Variants in ENTREP2 observed in about 807,000 individuals in gnomAD.
ENTREP2 encodes the protein protein ENTREP2.
the ENTREP2 span, among the ~76,000 whole-genome samples, chr15:29,577,173 T>G: frequency 6.6e-6 from 1 of 151,666 alleles, no homozygotes; most frequent in Non-Finnish European, 1.5e-5. Context: ...TATGGAGAAA[T>G]TAGAACCCTT....
the ENTREP2 span, among the ~76,000 whole-genome samples, chr15:29,185,900 CCTCT>C: frequency 6.6e-6 from 1 of 152,040 alleles, no homozygotes; most frequent in African/African-American, 2.4e-5. Context: ...ATTGCCTTCT[CCTCT>C]CTCTCATTCT....
At chr15:29,130,241 T>C in the ENTREP2 span, among the ~76,000 whole-genome samples, 14 of 152,202 alleles carry the variant, frequency 9.2e-5, no homozygotes, top group East Asian at 1.9e-4. Context: ...TTTCGCATAA[T>C]ACGGTCCATA....
chr15:29,372,219 TTCC>T, the ENTREP2 span, among the ~76,000 whole-genome samples: 1 of 152,084 alleles, frequency 6.6e-6, no homozygotes, highest in East Asian at 1.9e-4. Flanking sequence ...ACCCCTCCTC[TTCC>T]TCCTCCTCCT....
At chr15:29,566,051 T>C in the ENTREP2 span, among the ~76,000 whole-genome samples, 3 of 152,088 alleles carry the variant, frequency 2.0e-5, no homozygotes, top group Admixed American at 6.5e-5. Context: ...CATGGAAGGA[T>C]TGCATTAAAC....
At chr15:29,623,007 GATGATGT>G in the ENTREP2 span, among the ~76,000 whole-genome samples, 1 of 152,180 alleles carries the variant, frequency 6.6e-6, no homozygotes, top group Non-Finnish European at 1.5e-5. Flanking sequence ...GTGGTTTTAC[GATGATGT>G]TTGAGTTCCT....
the ENTREP2 span, among the ~76,000 whole-genome samples, chr15:29,625,983 A>G: frequency 1.3e-5 from 2 of 152,004 alleles, no homozygotes. Context: ...AGTAGCTGGA[A>G]TTACAGGCAT....
chr15:29,381,537 G>C, the ENTREP2 span, among the ~76,000 whole-genome samples: 1 of 143,068 alleles, frequency 7.0e-6, no homozygotes. Flanking sequence ...CAAACACAAA[G>C]AGGATGCCCT....
At chr15:29,472,599 G>T in the ENTREP2 span, among the ~76,000 whole-genome samples, 1 of 151,920 alleles carries the variant, frequency 6.6e-6, no homozygotes, top group Non-Finnish European at 1.5e-5. Flanking sequence ...CAAGTAGCTG[G>T]GATTACAGGC....
At chr15:29,460,668 T>C in the ENTREP2 span, among the ~76,000 whole-genome samples, 2 of 152,170 alleles carry the variant, frequency 1.3e-5, no homozygotes, top group South Asian at 2.1e-4. Context: ...AAAAACACAA[T>C]TCTTAAATCA....
At chr15:29,376,990 G>T in the ENTREP2 span, 67,200 of 151,930 alleles carry the variant, frequency 0.44, 17,182 homozygotes, top group African/African-American at 0.72. Flanking sequence ...TGAGGGATAC[G>T]CCCCTTTCAG....
At chr15:29,524,254 T>C in the ENTREP2 span, among the ~76,000 whole-genome samples, 2 of 152,036 alleles carry the variant, frequency 1.3e-5, no homozygotes, top group African/African-American at 2.4e-5. Flanking sequence ...GAAGGACCAA[T>C]AAGCACATGA....
chr15:29,621,160 C>T, the ENTREP2 span, among the ~76,000 whole-genome samples: 1 of 151,872 alleles, frequency 6.6e-6, no homozygotes, highest in African/African-American at 2.4e-5. Context: ...GAGGCCGAGG[C>T]AGGCGGATCA....
chr15:29,351,321 T>C, the ENTREP2 span, among the ~76,000 whole-genome samples: 5 of 152,360 alleles, frequency 3.3e-5, no homozygotes, highest in Middle Eastern at 3.4e-3. Context: ...GTCCTATATG[T>C]GGTCTGTCAT....
the ENTREP2 span, chr15:29,265,795 C>A: frequency 6.6e-6 from 1 of 152,176 alleles, no homozygotes; most frequent in Admixed American, 6.5e-5. Context: ...AAAACTGGTG[C>A]TAGGCTATCC....
the ENTREP2 span, among the ~76,000 whole-genome samples, chr15:29,261,921 T>TAA: frequency 0.012 from 1,492 of 129,718 alleles, 24 homozygotes; most frequent in African/African-American, 0.038. Context: ...ACTCCAGAAA[T>TAA]AAAAAAAAAA....
At chr15:29,487,612 T>C in the ENTREP2 span, among the ~76,000 whole-genome samples, 1 of 152,186 alleles carries the variant, frequency 6.6e-6, no homozygotes, top group South Asian at 2.1e-4. Context: ...CTACAGTCTA[T>C]AGCAAGCAAC....
chr15:29,468,875 C>T, the ENTREP2 span, among the ~76,000 whole-genome samples: 1 of 152,088 alleles, frequency 6.6e-6, no homozygotes, highest in African/African-American at 2.4e-5. Flanking sequence ...CTTCAAGCAA[C>T]TGTGGAGCTA....
At chr15:29,142,399 G>A in the ENTREP2 span, among the ~76,000 whole-genome samples, 4 of 152,338 alleles carry the variant, frequency 2.6e-5, no homozygotes, top group South Asian at 6.2e-4. Context: ...TGAAGTTCCT[G>A]GTCTGATAGA....
At chr15:29,591,819 C>G in the ENTREP2 span, among the ~76,000 whole-genome samples, 1 of 124,648 alleles carries the variant, frequency 8.0e-6, no homozygotes, top group African/African-American at 3.4e-5. Context: ...CAGAGTGAGA[C>G]CCCATCTCAA....
Sources: allele counts gnomAD v4.1 joint callset (sites outside exome capture counted in the v4.1 genomes callset), GRCh38; gene constraint gnomAD v4.1.1; transcripts MANE v1.5; gene names NCBI Gene and HGNC (gene_info 2026-07-23, HGNC 2026-07-21).